BRCA1: variants seen among roughly 807,000 people sequenced by gnomAD.
BRCA1 encodes breast cancer type 1 susceptibility protein.
In BRCA1, 140 loss-of-function variants were observed where a neutral mutation model predicts 173.7. The observed-to-expected ratio is 0.81, with a 90% confidence interval of 0.70 to 0.93. BRCA1 has a LOEUF of 0.93. BRCA1 is among the 40% of genes least tolerant of loss of function. BRCA1 has a pLI of 0.00. For missense variants in BRCA1, 1,983 were observed against 2,172.5 expected (o/e 0.91, Z 1.73); for synonymous variants, 662 against 756.0 (o/e 0.88, Z 2.04).
intron 6 of BRCA1, among the ~76,000 whole-genome samples, chr17:43,100,646 C>CATATATATAACATATATATATAT (rs2054390277): frequency 2.4e-5 from 1 of 42,040 alleles, no homozygotes; most frequent in Non-Finnish European, 4.2e-5. Flanking sequence ...ATATATATAA[C>CATATATATAACATATATATATAT]ATATATATAA....
intron 16 of BRCA1, 111 bp downstream of exon 16, chr17:43,067,497 G>T (rs889905157): frequency 1.3e-6 from 1 of 795,756 alleles, no homozygotes; most frequent in Non-Finnish European, 2.1e-6. Flanking sequence ...CTCGTGATCT[G>T]CCCGCCTCGG....
rs1050371477 is a variant in BRCA1 at position 43,067,662 on chromosome 17, T to C, written c.5020A>G (p.Ile1674Val). The stretch of plus-strand genomic sequence containing the variant: ...TCAGTAATTAGATTAGTTAAAGTGA[T>C]GTGGTGTTTTCTGGCAAACTTGTAC... ...LVYKFARKHH[I>V]TLTNLITEET... The change falls in exon 16 of 23, where the codon ATC becomes GTC. Residue 1674 changes from isoleucine (I) to valine (V), a missense_variant. By Grantham distance (29) the Ile-to-Val change is conservative. Transcript: ENST00000357654. 1.9e-6 allele frequency: 3 copies of C among 1,613,694 alleles called. No individual in the cohort carries two copies. Among genetic ancestry groups the C allele is most frequent in the Non-Finnish European group, 2.5e-6 (3 of 1,179,614 alleles).
At position 43,063,386 on chromosome 17, in the gene BRCA1, T is replaced by C. The variant is rs45471406; in HGVS notation, c.5153-13A>G. The C allele has an allele frequency of 2.9e-5, 47 of 1,608,488 alleles. No homozygotes were observed. The highest frequency in any genetic ancestry group is 3.7e-5 in the Non-Finnish European group (44 of 1,175,456). ...GACTGGGTCACCCCTAAAGAGATCA[T>C]AGAAAAGACAGGTTACATACAGCAG... On this transcript the variant is annotated splice_polypyrimidine_tract_variant and intron_variant, in intron 17 of 22. Coordinates refer to ENST00000357654, the MANE Select transcript of BRCA1 (RefSeq NM_007294.4).
In BRCA1 at chr17:43,090,960, T is replaced by C. The variant is rs1165149350; in HGVS notation, c.4169A>G (p.Asp1390Gly). 1 of 1,611,252 alleles carries C rather than the reference T, an allele frequency of 6.2e-7. No homozygotes were observed. The highest frequency in any genetic ancestry group is 1.7e-5 in the Admixed American group (1 of 59,626). ...GCTTTTTACCTGAGTGGTTAAAATGTCACTCTGAGAGGATAGCCCTGAGCA... is the reference window on the plus strand; with the variant it reads ...GCTTTTTACCTGAGTGGTTAAAATGCCACTCTGAGAGGATAGCCCTGAGCA... Reference protein sequence around the residue: ...EDCSGLSSQSDILTTQQRDTM... With the variant: ...EDCSGLSSQSGILTTQQRDTM... Residue 1390 changes from aspartate (D) to glycine (G), a missense_variant, in exon 11 of 23, where the codon GAC (aspartate) becomes GGC (glycine). By Grantham distance (94) the Asp-to-Gly change is moderately conservative. Transcript: ENST00000357654.
At chr17:43,059,763 A>G (rs192322420) in intron 18 of BRCA1, among the ~76,000 whole-genome samples, 32 of 152,182 alleles carry the variant, frequency 2.1e-4, no homozygotes, top group Middle Eastern at 3.4e-3. Context: ...CACACCACCA[A>G]TTACCACAAG....
intron 13 of BRCA1, among the ~76,000 whole-genome samples, chr17:43,075,892 G>A (rs1394966741): frequency 6.6e-6 from 1 of 152,004 alleles, no homozygotes; most frequent in East Asian, 1.9e-4. Flanking sequence ...AGGAATTTGA[G>A]ACCAGCCTGG....
At chr17:43,054,724 A>G (rs1331337903) in intron 19 of BRCA1, among the ~76,000 whole-genome samples, 1 of 149,264 alleles carries the variant, frequency 6.7e-6, no homozygotes, top group African/African-American at 2.5e-5. Context: ...TACAGAAGTG[A>G]GCCGCTGTGC....
rs80357048 is a variant in BRCA1, at chr17:43,071,004, G to A, written c.4910C>T (p.Pro1637Leu). ...AMEESVSREK[P>L]ELTASTERVN... ...CCTTTCTGTTGAAGCTGTCAATTCT[G>A]GCTTCTCCCTGCTCACACTTTCTTC... The change falls in exon 15 of 23, where the codon CCA (proline) becomes CTA (leucine). Residue 1637 changes from proline (P) to leucine (L), a missense_variant. Physicochemically the swap from Pro to Leu is moderately conservative, Grantham distance 98. Coordinates refer to ENST00000357654, the MANE Select transcript of BRCA1 (RefSeq NM_007294.4). 60 of 1,614,068 alleles carry A rather than the reference G, an allele frequency of 3.7e-5. No individual in the cohort carries two copies. Among genetic ancestry groups the A allele is most frequent in the Non-Finnish European group, 4.8e-5 (57 of 1,180,046 alleles).
intron 2 of BRCA1, among the ~76,000 whole-genome samples, chr17:43,120,503 C>T (rs542805568): frequency 6.6e-6 from 1 of 152,000 alleles, no homozygotes; most frequent in South Asian, 2.1e-4. Flanking sequence ...CGGTGGCTCA[C>T]GCCTGTAATC....
At chr17:43,125,112 G>GCCCC in intron 1 of BRCA1, 159 bp downstream of exon 1, 31 of 270,428 alleles carry the variant, frequency 1.1e-4, no homozygotes, top group Middle Eastern at 4.1e-4. Flanking sequence ...CCTACAAACT[G>GCCCC]CCCCCCTCCC....
intron 3 of BRCA1, 128 bp downstream of exon 3, chr17:43,115,598 A>C: frequency 2.3e-6 from 2 of 879,464 alleles, no homozygotes; most frequent in Non-Finnish European, 3.6e-6. Context: ...AAAGAATGAA[A>C]TGGAGTTGGA....
chr17:43,058,131 G>A (rs2051590764), intron 18 of BRCA1, among the ~76,000 whole-genome samples: 2 of 151,970 alleles, frequency 1.3e-5, no homozygotes, highest in South Asian at 4.2e-4. Context: ...CACTTTGGGA[G>A]GCTGAGGCAG....
chr17:43,059,937 G>A (rs1250191765), intron 18 of BRCA1, among the ~76,000 whole-genome samples: 2 of 152,074 alleles, frequency 1.3e-5, no homozygotes, highest in African/African-American at 2.4e-5. Flanking sequence ...ACGGAGTCTT[G>A]CTCTTTCGCC....
chr17:43,064,482 T>C (rs2051966382), intron 16 of BRCA1, among the ~76,000 whole-genome samples: 2 of 152,228 alleles, frequency 1.3e-5, no homozygotes, highest in African/African-American at 4.8e-5. Flanking sequence ...AGAGCTTTTA[T>C]ATAAGTATTT....
rs2053516476 is a variant in BRCA1, at chr17:43,091,707, A to T, written c.3824T>A (p.Ile1275Lys). The T allele has an allele frequency of 6.2e-7, 1 of 1,614,202 alleles. No individual in the cohort carries two copies. Among genetic ancestry groups the T allele is most frequent in the South Asian group, 1.1e-5 (1 of 91,078 alleles). Residue 1275 changes from isoleucine (I) to lysine (K), a missense_variant, in exon 10 of 23, where the codon ATA (isoleucine) becomes AAA (lysine). Physicochemically the swap from Ile to Lys is moderately radical, Grantham distance 102. Transcript: ENST00000357654. ...ATGTTCCTGAGATGCCTTTGCCAAT[A>T]TTACCTGGTTACTGCAGTCATTTAA... Reference protein sequence around the residue: ...NSLNDCSNQVILAKASQEHHL... With the variant: ...NSLNDCSNQVKLAKASQEHHL...
At chr17:43,154,398 C>T (rs530028087) in intron 1 of BRCA1, among the ~76,000 whole-genome samples, 11 of 152,046 alleles carry the variant, frequency 7.2e-5, no homozygotes, top group African/African-American at 2.2e-4. Context: ...GCAGGAGAAT[C>T]GCTTGAACCT....
chr17:43,072,493 C>T (rs2052496077), intron 14 of BRCA1, among the ~76,000 whole-genome samples: 1 of 151,892 alleles, frequency 6.6e-6, no homozygotes, highest in Admixed American at 6.5e-5. Context: ...GCCTTGACCT[C>T]CTGGACTCAA....
intron 1 of BRCA1, among the ~76,000 whole-genome samples, chr17:43,144,382 G>A (rs2056103042): frequency 6.6e-6 from 1 of 152,186 alleles, no homozygotes; most frequent in South Asian, 2.1e-4. Flanking sequence ...GAGGGGCCAG[G>A]AGGTGGTAGG....
Position 43,149,943 on chromosome 17 carries a change from C to T in BRCA1, c.-20+20183G>A, listed in dbSNP as rs962230646. The stretch of plus-strand genomic sequence containing the variant: ...AGCTGGGATTACAGGAACCCACCAC[C>T]GTGCCTAGCTAATTTTTGTGTTTTT... On this transcript the variant is annotated intron_variant, in intron 1 of 7. Coordinates refer to the BRCA1 transcript ENST00000634433. 9.2e-5 allele frequency among the ~76,000 whole-genome samples: 14 copies of T among 152,024 alleles called. No homozygotes were observed. The South Asian group carries it at 2.7e-3, about 29-fold the overall frequency.
Sources: gnomAD v4.1 joint callset for allele counts (sites outside exome capture counted in the v4.1 genomes callset) on GRCh38, gnomAD v4.1.1 for gene constraint, MANE v1.5 for transcripts, NCBI Gene and HGNC (gene_info 2026-07-23, HGNC 2026-07-21) for gene names.